Variants in ATPSCKMT observed in about 807,000 individuals in gnomAD.
The protein encoded by ATPSCKMT is ATP synthase c subunit lysine N-methyltransferase, also known as ATP synthase subunit C lysine N-methyltransferase.
A neutral mutation model predicts 24.3 loss-of-function variants in ATPSCKMT; 24 were observed. The observed-to-expected ratio is 0.99, with a 90% CI of 0.71 to 1.39. The LOEUF is 1.39. Ranked by LOEUF, ATPSCKMT falls within the 40% of genes most tolerant of loss-of-function variation. The probability of loss-of-function intolerance (pLI) is 0.00; values close to 1 mark genes in which losing one functional copy is unlikely to be tolerated. For synonymous variants in ATPSCKMT, 95 were observed against 110.5 expected (o/e 0.86, Z 0.88); for missense variants, 311 against 298.4 (o/e 1.04, Z -0.31).
chr5:10,249,638 C>T (rs34329448), intron 1 of ATPSCKMT: 2 of 679,850 alleles, frequency 2.9e-6, no homozygotes, highest in Non-Finnish European at 4.7e-6. Flanking sequence ...CTAGAACAGT[C>T]TCTGGGGAAA....
rs759781897 is a variant in ATPSCKMT at position 10,244,665 on chromosome 5, A to G, written c.16+5193T>C. 6.6e-5 allele frequency among the ~76,000 whole-genome samples: 10 copies of G among 152,290 alleles called. No individual in the cohort carries two copies. The South Asian group carries it at 2.1e-3, about 32-fold the overall frequency. ...AGTGGTTCATGCCTATAATCCCAGC[A>G]CTTTGGAAGGCCGAGGCAGGAGGAT... On this transcript the variant is annotated intron_variant, in intron 1 of 4. Coordinates refer to ENST00000511437, the MANE Select transcript of ATPSCKMT (RefSeq NM_199133.4).
In ATPSCKMT at chr5:10,241,074, G is replaced by A. The variant is rs561981923; in HGVS notation, c.17-1718C>T. Among the ~76,000 whole-genome samples, 3 of 152,052 alleles carry A rather than the reference G, an allele frequency of 2.0e-5. No individual in the cohort carries two copies. In the East Asian group the frequency reaches 5.8e-4, roughly 29 times the overall value. On this transcript the variant is annotated intron_variant, in intron 1 of 4. Coordinates refer to ENST00000511437, the MANE Select transcript of ATPSCKMT (RefSeq NM_199133.4). The stretch of plus-strand genomic sequence containing the variant: ...AGGTCAGTCTGAAATGAATTGGCAG[G>A]CCTGCGTTCCTTCTGGGGGCCCTCG...
intron 4 of ATPSCKMT, among the ~76,000 whole-genome samples, chr5:10,228,544 T>A (rs1352386347): frequency 2.6e-5 from 4 of 152,196 alleles, no homozygotes; most frequent in African/African-American, 9.7e-5. Context: ...AAAAATATAT[T>A]ACCACCTTCA....
intron 1 of ATPSCKMT, among the ~76,000 whole-genome samples, chr5:10,243,053 A>G (rs1251262908): frequency 6.6e-6 from 1 of 152,244 alleles, no homozygotes; most frequent in Non-Finnish European, 1.5e-5. Context: ...GATTTTCAGA[A>G]TGGCCAGTAA....
At chr5:10,232,394 T>C (rs1744186310) in intron 4 of ATPSCKMT, among the ~76,000 whole-genome samples, 1 of 152,198 alleles carries the variant, frequency 6.6e-6, no homozygotes, top group Non-Finnish European at 1.5e-5. Flanking sequence ...CTGGGCCAGC[T>C]AGAAGAAGAA....
Position 10,227,621 on chromosome 5 carries a change from T to C in ATPSCKMT, c.522A>G (p.Glu174=). The C allele has an allele frequency of 6.2e-7, 1 of 1,614,226 alleles. No individual in the cohort carries two copies. The highest frequency in any genetic ancestry group is 2.2e-5 in the East Asian group (1 of 44,884). ...CTCGTGCATCATCCTCAAGTTCACG[T>C]TCAAGTTTCTTCTCCAACTGCAGCA... ...QMMLQLEKKL[E]RELEDDARVI... The change falls in exon 5 of 5, where the codon GAA becomes GAG. Residue 174 remains glutamate (E), a synonymous_variant. Transcript: ENST00000511437.
At chr5:10,239,492 T>G (rs1377607548) in intron 1 of ATPSCKMT, 136 bp from the exon 2 acceptor site, 10 of 724,698 alleles carry the variant, frequency 1.4e-5, no homozygotes, top group Admixed American at 5.9e-5. Context: ...AAGCTAAATG[T>G]CAACTGTAGG....
intron 2 of ATPSCKMT, 44 bp from the exon 3 acceptor site, chr5:10,236,659 G>C: frequency 6.2e-7 from 1 of 1,601,634 alleles, no homozygotes; most frequent in Non-Finnish European, 8.5e-7. Flanking sequence ...AAGAAAAAAT[G>C]AACATACATG....
intron 3 of ATPSCKMT, chr5:10,236,017 A>G (rs1057486081): frequency 5.2e-5 from 8 of 152,974 alleles, no homozygotes; most frequent in African/African-American, 1.7e-4. Flanking sequence ...TAGAGTACAA[A>G]TAAATTTGGA....
At chr5:10,233,997 G>T (rs1305788297) in intron 4 of ATPSCKMT, among the ~76,000 whole-genome samples, 1 of 152,172 alleles carries the variant, frequency 6.6e-6, no homozygotes, top group Admixed American at 6.5e-5. Context: ...TAGGCCTAAT[G>T]AGAATTATAA....
chr5:10,226,416 T>A lies in ATPSCKMT; in HGVS notation c.*1025A>T, dbSNP rs945621311. Reference sequence around the variant, plus strand: ...GACAGTTTGGTATTTCAGTTACAGGTGTATGACTGGGAGTTCAATTCTTTT... The same window carrying A: ...GACAGTTTGGTATTTCAGTTACAGGAGTATGACTGGGAGTTCAATTCTTTT... On this transcript the variant is annotated 3_prime_UTR_variant, in exon 5 of 5. Transcript: ENST00000511437. 2.6e-5 allele frequency: 4 copies of A among 152,222 alleles called. No homozygotes were observed. The allele number at this position is 152,222 out of a possible 1,614,324, so 9.4% of individuals were successfully genotyped here.
Position 10,239,138 on chromosome 5 carries a change from C to T in ATPSCKMT, c.235G>A (p.Glu79Lys). Residue 79 changes from glutamate to lysine, a missense_variant, in exon 2 of 5, where the codon GAA becomes AAA. By Grantham distance (56) the Glu-to-Lys change is moderately conservative. Coordinates refer to ENST00000511437, the MANE Select transcript of ATPSCKMT (RefSeq NM_199133.4). ...CATCGCAACATTTTCACAACATTTT[C>T]AATCTGCTTCGTAGTTGCAGGTACA... ...PFVPATTKQI[E>K]NVVKMLRCRR... 1 of 1,614,194 alleles carries T rather than the reference C, an allele frequency of 6.2e-7. No homozygotes were observed. Among genetic ancestry groups the T allele is most frequent in the Non-Finnish European group, 8.5e-7 (1 of 1,180,040 alleles).
chr5:10,249,472 G>T, intron 1 of ATPSCKMT: 1 of 240,562 alleles, frequency 4.2e-6, no homozygotes, highest in Non-Finnish European at 7.9e-6. Context: ...CCGTCACTTT[G>T]CAGACAGGGA....
At chr5:10,229,504 C>T (rs1050255405) in intron 4 of ATPSCKMT, among the ~76,000 whole-genome samples, 13 of 152,156 alleles carry the variant, frequency 8.5e-5, no homozygotes, top group African/African-American at 3.1e-4. Flanking sequence ...CCGGTGTCTC[C>T]ATTGTGCAGT....
chr5:10,237,557 T>A (rs1321721491), intron 2 of ATPSCKMT, among the ~76,000 whole-genome samples: 1 of 152,068 alleles, frequency 6.6e-6, no homozygotes, highest in African/African-American at 2.4e-5. Flanking sequence ...AGGGGGAGTT[T>A]CCCTGCGCAA....
intron 2 of ATPSCKMT, among the ~76,000 whole-genome samples, chr5:10,237,908 G>T (rs763946728): frequency 1.3e-5 from 2 of 152,012 alleles, no homozygotes; most frequent in Non-Finnish European, 2.9e-5. Flanking sequence ...CATCATGCCT[G>T]GCTAATTTTT....
intron 1 of ATPSCKMT, among the ~76,000 whole-genome samples, chr5:10,242,074 T>C (rs1233497136): frequency 1.3e-5 from 2 of 152,198 alleles, no homozygotes; most frequent in Non-Finnish European, 1.5e-5. Context: ...TTGACGTTAA[T>C]GGTTGCTCAA....
chr5:10,238,248 C>G (rs889847034), intron 2 of ATPSCKMT, among the ~76,000 whole-genome samples: 1 of 151,896 alleles, frequency 6.6e-6, no homozygotes, highest in Non-Finnish European at 1.5e-5. Flanking sequence ...AGATGGTAAA[C>G]ACTACGGTAT....
chr5:10,249,695 G>T, intron 1 of ATPSCKMT, 163 bp downstream of exon 1: 1 of 1,170,094 alleles, frequency 8.5e-7, no homozygotes, highest in Non-Finnish European at 1.2e-6. Context: ...GCACCGCGCG[G>T]CGACCAGGAG....
Sources: allele counts gnomAD v4.1 joint callset (sites outside exome capture counted in the v4.1 genomes callset), GRCh38; gene constraint gnomAD v4.1.1; transcripts MANE v1.5; gene names NCBI Gene and HGNC (gene_info 2026-07-23, HGNC 2026-07-21).